The following SYT14 variants were observed in gnomAD, a reference collection of about 807,000 sequenced individuals.
The protein encoded by SYT14 is synaptotagmin 14.
In SYT14, 32 loss-of-function variants were observed where a neutral mutation model predicts 74.2. The observed-to-expected ratio is 0.43, with a 90% CI of 0.33 to 0.58. The LOEUF is 0.58. Among genes scored for constraint, SYT14 ranks in the 20% least tolerant of loss-of-function variants. SYT14 has a pLI of 0.05. For missense variants in SYT14, 791 were observed against 981.8 expected (o/e 0.81, Z 2.60); for synonymous variants, 298 against 337.7 (o/e 0.88, Z 1.29).
chr1:210,067,685 T>C (rs573667708), intron 5 of SYT14, among the ~76,000 whole-genome samples: 100 of 152,092 alleles, frequency 6.6e-4, no homozygotes, highest in East Asian at 5.6e-3. Context: ...TTACTGATCT[T>C]TTATGTCCTC....
chr1:210,040,288 T>C (rs2102341252), intron 5 of SYT14, among the ~76,000 whole-genome samples: 1 of 152,176 alleles, frequency 6.6e-6, no homozygotes, highest in African/African-American at 2.4e-5. Flanking sequence ...AAACACAGCA[T>C]GTTCTCACTC....
chr1:210,130,033 G>A (rs950969805), intron 7 of SYT14, among the ~76,000 whole-genome samples: 1 of 152,196 alleles, frequency 6.6e-6, no homozygotes, highest in South Asian at 2.1e-4. Flanking sequence ...ACTGCAATGA[G>A]TCACTGTTGA....
chr1:210,081,442 G>T (rs2484034), intron 5 of SYT14, among the ~76,000 whole-genome samples: 2 of 152,064 alleles, frequency 1.3e-5, no homozygotes, highest in East Asian at 3.9e-4. Context: ...TGGTTTCCTA[G>T]TACATATAAG....
chr1:209,953,422 A>T (rs1197853709), intron 2 of SYT14, among the ~76,000 whole-genome samples: 1 of 152,230 alleles, frequency 6.6e-6, no homozygotes, highest in Non-Finnish European at 1.5e-5. Flanking sequence ...AGAAATCCTC[A>T]TAAATTTACT....
chr1:210,133,546 G>C (rs1228393266), intron 7 of SYT14, among the ~76,000 whole-genome samples: 17 of 152,200 alleles, frequency 1.1e-4, no homozygotes, highest in Non-Finnish European at 2.5e-4. Context: ...AGTGGTGCCA[G>C]TAATGGTGAA....
chr1:210,090,814 CTT>C (rs1324076857), intron 5 of SYT14, among the ~76,000 whole-genome samples: 1 of 151,884 alleles, frequency 6.6e-6, no homozygotes, highest in African/African-American at 2.4e-5. Flanking sequence ...TAAGCCAACT[CTT>C]AGTACACTAT....
chr1:210,030,108 C>T (rs2080498035), intron 5 of SYT14, among the ~76,000 whole-genome samples: 1 of 151,840 alleles, frequency 6.6e-6, no homozygotes, highest in African/African-American at 2.4e-5. Flanking sequence ...AATCCTGCTA[C>T]TTTGCTGGAT....
chr1:210,147,090 A>G (rs896842059), intron 7 of SYT14, among the ~76,000 whole-genome samples: 5 of 152,072 alleles, frequency 3.3e-5, no homozygotes, highest in African/African-American at 9.7e-5. Flanking sequence ...CAGCTCTAGA[A>G]CTAATAGGGC....
chr1:210,048,661 G>T lies in SYT14; in HGVS notation c.1312+27407G>T, dbSNP rs149472187. Among the ~76,000 whole-genome samples, 11 of 152,086 alleles carry T rather than the reference G, an allele frequency of 7.2e-5. 2 individuals carry two copies. The South Asian group carries it at 2.3e-3, about 32-fold the overall frequency. ...GGACATAGCCAAACCACGTCATTTC[G>T]CCCCTGGCCCCTCCCAAATCTCATA... On this transcript the variant is annotated intron_variant, in intron 5 of 9. Coordinates refer to ENST00000637265, the Ensembl canonical transcript of SYT14.
Position 210,035,947 on chromosome 1 carries a change from T to C in SYT14, c.1312+14693T>C, listed in dbSNP as rs574869532. Among the ~76,000 whole-genome samples the C allele has an allele frequency of 2.6e-5, 4 of 152,060 alleles. No homozygotes were observed. In the East Asian group the frequency reaches 7.7e-4, roughly 29 times the overall value. ...TTTTTTCTAATTCCGTGAAAAACGA[T>C]ATTGTTATTTTGTTGGGGATTACAC... On this transcript the variant is annotated intron_variant, in intron 5 of 9. Coordinates refer to ENST00000637265, the Ensembl canonical transcript of SYT14.
exon 10 of SYT14, chr1:210,164,506 G>C (rs1293698081): frequency 1.3e-5 from 2 of 157,220 alleles, no homozygotes; most frequent in African/African-American, 4.8e-5. Context: ...AGGAGAAAGA[G>C]GTAAAAGAAT....
intron 5 of SYT14, among the ~76,000 whole-genome samples, chr1:210,048,660 C>T (rs752153441): frequency 4.6e-5 from 7 of 152,146 alleles, no homozygotes; most frequent in Non-Finnish European, 4.4e-5. Context: ...CACGTCATTT[C>T]GCCCCTGGCC....
At position 210,138,788 on chromosome 1, in the gene SYT14, C is replaced by G. The variant is rs73074135; in HGVS notation, c.2035-16933C>G. ...AAAAAGTTTCTGTAATGTTCCCTAA[C>G]TTTATCTTTCAATTTTCTTGGTCAG... On this transcript the variant is annotated intron_variant, in intron 7 of 9. Transcript: ENST00000637265. 1.7e-3 allele frequency among the ~76,000 whole-genome samples: 256 copies of G among 152,226 alleles called. 1 individual carries two copies. Among genetic ancestry groups the G allele is most frequent in the African/African-American group, 6.1e-3 (252 of 41,566 alleles).
chr1:210,132,085 C>T (rs1442759651), intron 7 of SYT14, among the ~76,000 whole-genome samples: 1 of 152,182 alleles, frequency 6.6e-6, no homozygotes, highest in East Asian at 1.9e-4. Flanking sequence ...GTGCCCTTCT[C>T]ACCCTGCAGA....
At chr1:209,980,616 A>AT (rs1293196826) in intron 2 of SYT14, among the ~76,000 whole-genome samples, 1 of 151,904 alleles carries the variant, frequency 6.6e-6, no homozygotes, top group African/African-American at 2.4e-5. Flanking sequence ...TCTCAAGTTG[A>AT]TTTTTGTATA....
intron 5 of SYT14, among the ~76,000 whole-genome samples, chr1:210,063,098 A>C (rs1278062315): frequency 1.4e-5 from 2 of 144,846 alleles, no homozygotes; most frequent in African/African-American, 5.1e-5. Flanking sequence ...TGTTTTTTTC[A>C]TTTATAGCTT....
At chr1:210,030,769 CTG>C (rs2080514021) in intron 5 of SYT14, among the ~76,000 whole-genome samples, 1 of 152,042 alleles carries the variant, frequency 6.6e-6, no homozygotes, top group Non-Finnish European at 1.5e-5. Flanking sequence ...TCATGCATGT[CTG>C]TGTGTGGCTG....
intron 5 of SYT14, among the ~76,000 whole-genome samples, chr1:210,075,338 G>A (rs1404783436): frequency 1.9e-5 from 2 of 104,546 alleles, no homozygotes; most frequent in African/African-American, 5.4e-5. Context: ...GGTCTCGAGG[G>A]TTTGTTTTTT....
chr1:210,027,131 T>A (rs1310702301), intron 5 of SYT14, among the ~76,000 whole-genome samples: 1 of 152,196 alleles, frequency 6.6e-6, no homozygotes, highest in Non-Finnish European at 1.5e-5. Context: ...TGCATATTTT[T>A]AATTTTATCT....
Sources: allele counts gnomAD v4.1 joint callset (sites outside exome capture counted in the v4.1 genomes callset), GRCh38; gene constraint gnomAD v4.1.1; transcripts MANE v1.5; gene names NCBI Gene and HGNC (gene_info 2026-07-23, HGNC 2026-07-21).